Variants in EFCAB11 observed in about 807,000 individuals in gnomAD.
The protein encoded by EFCAB11 is EF-hand calcium-binding domain-containing protein 11.
EFCAB11 carries 14 observed loss-of-function variants against 23.0 expected under a neutral mutation model. That is an observed-to-expected ratio of 0.61 (90% CI 0.40 to 0.95). The LOEUF is 0.95. EFCAB11 is among the 40% of genes least tolerant of loss of function. EFCAB11 has a pLI of 0.00. For missense variants in EFCAB11, 198 were observed against 195.8 expected (o/e 1.01, Z -0.07); for synonymous variants, 65 against 66.6 (o/e 0.98, Z 0.11).
chr14:89,901,887 A>G lies in EFCAB11; in HGVS notation c.410+29654T>C, dbSNP rs184392279. ...TCAAAGACAATGTTCATTGGAATGT[A>G]TAAGATTTCAAATTTTCAGATTGGG... On this transcript the variant is annotated intron_variant, in intron 5 of 5. Transcript: ENST00000316738. 3.9e-5 allele frequency among the ~76,000 whole-genome samples: 6 copies of G among 152,312 alleles called. No individual in the cohort carries two copies. In the East Asian group the frequency reaches 1.2e-3, roughly 29 times the overall value.
chr14:89,801,495 T>G (rs1885779214), intron 5 of EFCAB11, among the ~76,000 whole-genome samples: 2 of 152,050 alleles, frequency 1.3e-5, no homozygotes, highest in Non-Finnish European at 1.5e-5. Context: ...CTGCTAGGAA[T>G]TTGCAAGAAT....
At chr14:89,869,119 C>T (rs1888188753) in intron 5 of EFCAB11, among the ~76,000 whole-genome samples, 1 of 152,130 alleles carries the variant, frequency 6.6e-6, no homozygotes, top group South Asian at 2.1e-4. Flanking sequence ...AGGAAGATCA[C>T]TTGAGCCAAG....
intron 5 of EFCAB11, among the ~76,000 whole-genome samples, chr14:89,910,909 G>C (rs1329874648): frequency 6.6e-6 from 1 of 152,160 alleles, no homozygotes; most frequent in Non-Finnish European, 1.5e-5. Context: ...AAAAAACAAA[G>C]AGCTAAATAA....
chr14:89,924,515 T>C, intron 5 of EFCAB11: 1 of 1,445,106 alleles, frequency 6.9e-7, no homozygotes, highest in Non-Finnish European at 9.1e-7. Flanking sequence ...GTGCTTACAA[T>C]GAGATGGAGA....
intron 5 of EFCAB11, among the ~76,000 whole-genome samples, chr14:89,854,265 C>T (rs1021772271): frequency 1.3e-5 from 2 of 151,658 alleles, no homozygotes; most frequent in African/African-American, 2.4e-5. Flanking sequence ...TTTAAGATTG[C>T]CAAATCCTAA....
At chr14:89,815,835 T>C (rs1307796543) in intron 5 of EFCAB11, among the ~76,000 whole-genome samples, 1 of 152,130 alleles carries the variant, frequency 6.6e-6, no homozygotes, top group Non-Finnish European at 1.5e-5. Flanking sequence ...TCCTAAAGAT[T>C]AGGGTTTTGA....
chr14:89,884,027 G>A (rs780653376), intron 5 of EFCAB11, among the ~76,000 whole-genome samples: 15 of 152,110 alleles, frequency 9.9e-5, no homozygotes, highest in Non-Finnish European at 1.5e-4. Context: ...CTCCAGAGGC[G>A]GAGGTGGGAA....
intron 5 of EFCAB11, among the ~76,000 whole-genome samples, chr14:89,855,862 T>A (rs1479541258): frequency 6.6e-6 from 1 of 152,206 alleles, no homozygotes; most frequent in Non-Finnish European, 1.5e-5. Context: ...AGATTCCACA[T>A]ATAAGTGAAA....
At chr14:89,822,646 T>C (rs1399025651) in intron 5 of EFCAB11, among the ~76,000 whole-genome samples, 1 of 152,098 alleles carries the variant, frequency 6.6e-6, no homozygotes, top group African/African-American at 2.4e-5. Flanking sequence ...ACACAGAGTG[T>C]GAGAATCCAA....
At chr14:89,888,150 A>G (rs565345421) in intron 5 of EFCAB11, among the ~76,000 whole-genome samples, 13 of 152,246 alleles carry the variant, frequency 8.5e-5, no homozygotes, top group Non-Finnish European at 1.3e-4. Context: ...CCCCAAATGC[A>G]TATGTTAAAA....
intron 5 of EFCAB11, among the ~76,000 whole-genome samples, chr14:89,827,416 C>T (rs887569480): frequency 1.3e-5 from 2 of 152,102 alleles, no homozygotes; most frequent in African/African-American, 4.8e-5. Context: ...GAACACTCGC[C>T]TCTCCCTTCT....
chr14:89,926,934 T>C (rs149424039), intron 5 of EFCAB11, among the ~76,000 whole-genome samples: 44 of 152,298 alleles, frequency 2.9e-4, no homozygotes, highest in African/African-American at 9.9e-4. Context: ...GAGATTATGA[T>C]TGCACAACAG....
At chr14:89,822,347 T>C (rs1034386257) in intron 5 of EFCAB11, among the ~76,000 whole-genome samples, 2 of 152,252 alleles carry the variant, frequency 1.3e-5, no homozygotes, top group Admixed American at 6.5e-5. Flanking sequence ...TGTAGGCGTA[T>C]AAGCGTGCTT....
At chr14:89,872,366 C>T (rs1382645665) in intron 5 of EFCAB11, among the ~76,000 whole-genome samples, 4 of 152,200 alleles carry the variant, frequency 2.6e-5, no homozygotes, top group Non-Finnish European at 5.9e-5. Context: ...TTTAGGGAAG[C>T]TGAAATACTT....
intron 5 of EFCAB11, among the ~76,000 whole-genome samples, chr14:89,921,839 C>T (rs1423501267): frequency 2.0e-5 from 3 of 152,126 alleles, no homozygotes; most frequent in Admixed American, 6.5e-5. Flanking sequence ...CATTTTAAAA[C>T]AATTGTTAAG....
At position 89,797,132 on chromosome 14, in the gene EFCAB11, T is replaced by A. The variant is rs1334747074; in HGVS notation, c.*111A>T. On this transcript the variant is annotated 3_prime_UTR_variant, in exon 6 of 6. Transcript: ENST00000316738. ...ACTATGTACCCACAAAAATTAAAAA[T>A]TTTTAAATGTTTAATCACAAGTCTG... The A allele has an allele frequency of 2.9e-6, 3 of 1,036,304 alleles. No homozygotes were observed. The allele number at this position is 1,036,304 out of a possible 1,614,324, so 64.2% of individuals were successfully genotyped here.
intron 5 of EFCAB11, among the ~76,000 whole-genome samples, chr14:89,805,527 G>C (rs1357930762): frequency 6.6e-6 from 1 of 152,186 alleles, no homozygotes; most frequent in Non-Finnish European, 1.5e-5. Flanking sequence ...CTACCATAAG[G>C]GTGCAATTTC....
intron 1 of EFCAB11, chr14:89,954,233 G>A (rs1031414588): frequency 8.6e-7 from 1 of 1,157,750 alleles, no homozygotes; most frequent in Non-Finnish European, 1.2e-6. Flanking sequence ...ACCGCTAGGT[G>A]ACGCAAATTA....
chr14:89,819,102 C>T (rs1886425996), intron 5 of EFCAB11, among the ~76,000 whole-genome samples: 1 of 152,120 alleles, frequency 6.6e-6, no homozygotes, highest in Admixed American at 6.6e-5. Context: ...TTGTTTAATG[C>T]CCCCAAACTG....
Sources: gnomAD v4.1 joint callset for allele counts (sites outside exome capture counted in the v4.1 genomes callset) on GRCh38, gnomAD v4.1.1 for gene constraint, MANE v1.5 for transcripts, NCBI Gene and HGNC (gene_info 2026-07-23, HGNC 2026-07-21) for gene names.